The following RBMS1 variants were observed in gnomAD, a reference collection of about 807,000 sequenced individuals.
The protein encoded by RBMS1 is RNA-binding motif, single-stranded-interacting protein 1.
Under a neutral mutation model 62.3 loss-of-function variants are expected in RBMS1, and 17 were observed. The observed-to-expected ratio is 0.27, with a 90% confidence interval of 0.19 to 0.41. The LOEUF (loss-of-function observed/expected upper bound fraction) is 0.41. RBMS1 is among the 10% of genes least tolerant of loss of function. The pLI, the probability that RBMS1 is intolerant of heterozygous loss-of-function variation, is 1.00. For missense variants in RBMS1, 334 were observed against 504.5 expected, an observed-to-expected ratio of 0.66 and a Z score of 3.24; for synonymous variants, 172 against 170.0, an observed-to-expected ratio of 1.01 and a Z score of -0.09.
intron 1 of RBMS1, among the ~76,000 whole-genome samples, chr2:160,389,008 G>A (rs539207118): frequency 6.6e-6 from 1 of 152,334 alleles, no homozygotes; most frequent in South Asian, 2.1e-4. Context: ...TTTAGTTGAC[G>A]TGATTGTTTG....
intron 1 of RBMS1, among the ~76,000 whole-genome samples, chr2:160,485,180 G>A (rs1685547144): frequency 6.6e-6 from 1 of 152,212 alleles, no homozygotes; most frequent in South Asian, 2.1e-4. Flanking sequence ...AAACAGGTGA[G>A]TGGGTCTAGA....
intron 1 of RBMS1, among the ~76,000 whole-genome samples, chr2:160,401,175 T>A (rs1695408764): frequency 6.6e-6 from 1 of 152,188 alleles, no homozygotes; most frequent in Non-Finnish European, 1.5e-5. Context: ...TAAAAATACA[T>A]TTTTGAGATT....
intron 6 of RBMS1, among the ~76,000 whole-genome samples, chr2:160,288,708 G>A (rs1282468654): frequency 2.0e-5 from 3 of 152,174 alleles, no homozygotes; most frequent in African/African-American, 7.2e-5. Context: ...ACATAATCTC[G>A]TAGAGCAAGA....
At position 160,493,458 on chromosome 2, in the gene RBMS1, A is replaced by AGCG. The variant is rs1200874502; in HGVS notation, c.-98_-96dup. On this transcript the variant is annotated 5_prime_UTR_variant, in exon 1 of 14. Transcript: ENST00000348849. ...CCTCTCCCTTTCCGGCGGCGGCGGC[A>AGCG]GCGGCGGCGGCGGCGGCGGCTGCTG... 2.9e-4 allele frequency: 355 copies of AGCG among 1,219,572 alleles called. No homozygotes were observed. Among genetic ancestry groups the AGCG allele is most frequent in the East Asian group, 2.3e-3 (92 of 40,464 alleles). 75.5% of individuals were successfully genotyped at this position (1,219,572 alleles called of 1,614,324 possible). A position where few individuals can be genotyped will look rare whatever the true frequency, so the allele number is the denominator to read the frequency against.
At chr2:160,294,527 T>TA (rs778221825) in intron 6 of RBMS1, among the ~76,000 whole-genome samples, 18 of 152,216 alleles carry the variant, frequency 1.2e-4, no homozygotes, top group Admixed American at 8.5e-4. Flanking sequence ...TCCTCCTGCT[T>TA]AGTCATCTAG....
intron 4 of RBMS1, among the ~76,000 whole-genome samples, chr2:160,310,309 C>T (rs1689778396): frequency 6.6e-6 from 1 of 152,138 alleles, no homozygotes; most frequent in Admixed American, 6.5e-5. Flanking sequence ...CGGTTGTCAG[C>T]CAACAATTGC....
intron 2 of RBMS1, among the ~76,000 whole-genome samples, chr2:160,324,880 G>GTATATATATATATATATA (rs747823378): frequency 2.6e-5 from 2 of 76,108 alleles, no homozygotes; most frequent in African/African-American, 7.9e-5. Flanking sequence ...GTGTGTGTGT[G>GTATATATATATATATATA]TGTATATATA....
intron 2 of RBMS1, among the ~76,000 whole-genome samples, chr2:160,353,277 C>G (rs9287795): frequency 0.75 from 113,370 of 151,976 alleles, 43,057 homozygotes; most frequent in East Asian, 0.84. Flanking sequence ...ACTTGCTGGA[C>G]TAGTTCTCTT....
intron 1 of RBMS1, among the ~76,000 whole-genome samples, chr2:160,461,471 G>A (rs998856000): frequency 3.9e-5 from 6 of 152,164 alleles, no homozygotes; most frequent in South Asian, 2.1e-4. Flanking sequence ...GGACAGGAAT[G>A]ACTTCCTGTC....
intron 1 of RBMS1, among the ~76,000 whole-genome samples, chr2:160,411,708 C>A (rs73002654): frequency 0.025 from 3,792 of 152,278 alleles, 156 homozygotes; most frequent in African/African-American, 0.082. Context: ...ACAAAAGTGT[C>A]AAACTCAGTA....
chr2:160,422,615 A>C (rs1299217422), intron 1 of RBMS1, among the ~76,000 whole-genome samples: 1 of 151,188 alleles, frequency 6.6e-6, no homozygotes, highest in Non-Finnish European at 1.5e-5. Flanking sequence ...CACCACCAGC[A>C]CCCACCCCTC....
chr2:160,439,026 C>CA (rs1165306972), intron 1 of RBMS1, among the ~76,000 whole-genome samples: 2 of 147,974 alleles, frequency 1.4e-5, no homozygotes, highest in African/African-American at 5.0e-5. Flanking sequence ...GCTGACCCCC[C>CA]AATCTCCCTC....
At chr2:160,421,393 C>T (rs547454679) in intron 1 of RBMS1, among the ~76,000 whole-genome samples, 10 of 151,512 alleles carry the variant, frequency 6.6e-5, no homozygotes, top group Middle Eastern at 3.2e-3. Context: ...TGAGAACATG[C>T]GGTGTTTGGT....
intron 1 of RBMS1, among the ~76,000 whole-genome samples, chr2:160,433,755 C>T (rs149667323): frequency 2.0e-5 from 3 of 152,354 alleles, no homozygotes; most frequent in Non-Finnish European, 4.4e-5. Context: ...ATCATGTCTT[C>T]ACAGTGCTAT....
chr2:160,347,443 C>A (rs1176076477), intron 2 of RBMS1, among the ~76,000 whole-genome samples: 1 of 152,154 alleles, frequency 6.6e-6, no homozygotes, highest in East Asian at 1.9e-4. Context: ...CCTCTTACAG[C>A]ATCAGTGTGA....
At chr2:160,315,389 T>C (rs1307167760) in intron 3 of RBMS1, among the ~76,000 whole-genome samples, 2 of 152,174 alleles carry the variant, frequency 1.3e-5, no homozygotes, top group Admixed American at 6.6e-5. Context: ...AAAGACGTTT[T>C]TGAAGGCAGG....
At chr2:160,334,442 A>G (rs1292098255) in intron 2 of RBMS1, among the ~76,000 whole-genome samples, 1 of 152,186 alleles carries the variant, frequency 6.6e-6, no homozygotes. Context: ...GGTACCATTA[A>G]TCCTGTTCTA....
At chr2:160,295,826 T>C (rs1178926563) in intron 6 of RBMS1, among the ~76,000 whole-genome samples, 1 of 152,224 alleles carries the variant, frequency 6.6e-6, no homozygotes, top group Non-Finnish European at 1.5e-5. Flanking sequence ...TAGCAAACCA[T>C]TCCTTCAACA....
intron 1 of RBMS1, among the ~76,000 whole-genome samples, chr2:160,436,753 T>C (rs904562461): frequency 5.9e-5 from 9 of 152,188 alleles, no homozygotes; most frequent in Non-Finnish European, 1.3e-4. Context: ...GGTGCTGCTG[T>C]CATGGAAAAG....
Sources: gnomAD v4.1 joint callset for allele counts (sites outside exome capture counted in the v4.1 genomes callset) on GRCh38, gnomAD v4.1.1 for gene constraint, MANE v1.5 for transcripts, NCBI Gene and HGNC (gene_info 2026-07-23, HGNC 2026-07-21) for gene names.